The following LRP6 variants were observed in gnomAD, a reference collection of about 807,000 sequenced individuals.
LRP6 encodes the protein LDL receptor related protein 6, also known as low-density lipoprotein receptor-related protein 6.
LRP6 carries 43 observed loss-of-function variants against 184.1 expected under a neutral mutation model. The observed-to-expected ratio is 0.23, with a 90% confidence interval of 0.18 to 0.30. The LOEUF is 0.30. LRP6 is among the 10% of genes least tolerant of loss of function. LRP6 has a pLI of 1.00. For synonymous variants in LRP6, 719 were observed against 684.9 expected (o/e 1.05, Z -0.78); for missense variants, 1,571 against 2,005.3 (o/e 0.78, Z 4.14).
intron 1 of LRP6, among the ~76,000 whole-genome samples, chr12:12,257,963 T>C (rs1408445509): frequency 6.7e-6 from 1 of 148,464 alleles, no homozygotes; most frequent in African/African-American, 2.5e-5. Flanking sequence ...AGTGAGACCC[T>C]GTCTCAAAAA....
At chr12:12,260,490 T>A (rs1865586818) in intron 1 of LRP6, among the ~76,000 whole-genome samples, 1 of 151,950 alleles carries the variant, frequency 6.6e-6, no homozygotes, top group Admixed American at 6.6e-5. Flanking sequence ...TGCAGAAGAA[T>A]CAAAAAAAAT....
At position 12,236,158 on chromosome 12, in the gene LRP6, C is replaced by T. The variant is rs181275541; in HGVS notation, c.449+8104G>A. Among the ~76,000 whole-genome samples, 1,366 of 151,600 alleles carry T rather than the reference C, an allele frequency of 9.0e-3. 16 individuals carry two copies. Among genetic ancestry groups the T allele is most frequent in the African/African-American group, 0.031 (1,298 of 41,336 alleles). ...AGGAGAATGGCGTGAACCCAGGAGG[C>T]GGAGCTTGCAGTGAGCCAAGATGGC... is the stretch of plus-strand genomic sequence containing the variant. On this transcript the variant is annotated intron_variant, in intron 2 of 22. Coordinates refer to ENST00000261349, the MANE Select transcript of LRP6 (RefSeq NM_002336.3).
intron 11 of LRP6, among the ~76,000 whole-genome samples, chr12:12,159,531 T>C (rs913459709): frequency 2.6e-5 from 4 of 152,182 alleles, no homozygotes; most frequent in African/African-American, 9.6e-5. Context: ...CAAAAGTCAT[T>C]TCAGGAGTAT....
chr12:12,150,523 A>G (rs1340804189), intron 13 of LRP6, among the ~76,000 whole-genome samples: 2 of 152,210 alleles, frequency 1.3e-5, no homozygotes, highest in Non-Finnish European at 2.9e-5. Context: ...GCCTATTTCA[A>G]GGCTTCTAAT....
chr12:12,152,113 G>A (rs1489791405), intron 12 of LRP6, among the ~76,000 whole-genome samples: 2 of 151,974 alleles, frequency 1.3e-5, no homozygotes, highest in Non-Finnish European at 2.9e-5. Context: ...CATGGGGGCC[G>A]GTCTTCCCCG....
intron 12 of LRP6, among the ~76,000 whole-genome samples, chr12:12,152,962 TG>T (rs1365597721): frequency 6.6e-6 from 1 of 152,216 alleles, no homozygotes; most frequent in Non-Finnish European, 1.5e-5. Context: ...ACACTCAGCT[TG>T]GAAGATTTAG....
intron 2 of LRP6, among the ~76,000 whole-genome samples, chr12:12,232,990 C>G (rs973182260): frequency 6.6e-6 from 1 of 152,218 alleles, no homozygotes; most frequent in African/African-American, 2.4e-5. Context: ...TCTGAACCTA[C>G]TGAATAATCT....
At chr12:12,251,484 C>T (rs1260367333) in intron 1 of LRP6, among the ~76,000 whole-genome samples, 1 of 152,092 alleles carries the variant, frequency 6.6e-6, no homozygotes, top group Non-Finnish European at 1.5e-5. Flanking sequence ...CTGCCTCAGC[C>T]TCCCGAGTAG....
intron 12 of LRP6, among the ~76,000 whole-genome samples, chr12:12,158,552 T>C (rs997304636): frequency 5.9e-5 from 9 of 152,194 alleles, no homozygotes; most frequent in Admixed American, 3.9e-4. Flanking sequence ...CTTGAACTCC[T>C]GAGCTGAAGC....
intron 2 of LRP6, among the ~76,000 whole-genome samples, chr12:12,212,867 A>G (rs1010201058): frequency 1.3e-5 from 2 of 152,196 alleles, no homozygotes; most frequent in African/African-American, 4.8e-5. Context: ...GACCTTGAGA[A>G]TTCTTGGTCT....
At chr12:12,241,176 A>G (rs1049622856) in intron 2 of LRP6, among the ~76,000 whole-genome samples, 10 of 152,174 alleles carry the variant, frequency 6.6e-5, no homozygotes, top group African/African-American at 2.4e-4. Context: ...GTAAGTTGCT[A>G]TGAGAGAGCT....
intron 2 of LRP6, among the ~76,000 whole-genome samples, chr12:12,218,040 C>T (rs1452096229): frequency 6.6e-6 from 1 of 152,170 alleles, no homozygotes; most frequent in East Asian, 1.9e-4. Context: ...CATCCCAAAA[C>T]TCCATTATAT....
At position 12,249,349 on chromosome 12, in the gene LRP6, G is replaced by A. The variant is rs138572494; in HGVS notation, c.56-4694C>T. On this transcript the variant is annotated intron_variant, in intron 1 of 22. Transcript: ENST00000261349. ...GAATTCACAGCACCAAAGTTGTCCT[G>A]CAAGAGCTTTGGCGCCTAATGGTGT... is the stretch of plus-strand genomic sequence containing the variant. The A allele has an allele frequency of 3.5e-6, 4 of 1,140,780 alleles. No homozygotes were observed. The African/African-American group carries it at 6.0e-5, about 17-fold the overall frequency. The allele number at this position is 1,140,780 out of a possible 1,614,324, so 70.7% of individuals were successfully genotyped here. A position where few individuals can be genotyped will look rare whatever the true frequency, so the allele number is the denominator to read the frequency against.
At chr12:12,152,483 C>T (rs1950095482) in intron 12 of LRP6, among the ~76,000 whole-genome samples, 1 of 151,998 alleles carries the variant, frequency 6.6e-6, no homozygotes, top group Non-Finnish European at 1.5e-5. Context: ...GACAGGGTTT[C>T]ACCATGCTGG....
chr12:12,162,364 C>A lies in LRP6; in HGVS notation c.2108G>T (p.Gly703Val), dbSNP rs1288578083. Residue 703 changes from glycine (G) to valine (V), a missense_variant, in exon 10 of 23, where the codon GGC (glycine) becomes GTC (valine). Gly to Val is a moderately radical substitution (Grantham distance 109, BLOSUM62 -3). Transcript: ENST00000261349. The part of the protein sequence containing the change: ...GSALEHVVEF[G>V]LDYPEGMAVD... ...TGCCATGCCTTCTGGATAATCTAAG[C>A]CGAATTCTACCACATGTTCCAGTGC... 6.2e-7 allele frequency: 1 copy of A among 1,614,186 alleles called. No homozygotes were observed.
intron 4 of LRP6, among the ~76,000 whole-genome samples, chr12:12,185,337 T>C (rs1863442607): frequency 6.6e-6 from 1 of 152,032 alleles, no homozygotes; most frequent in Non-Finnish European, 1.5e-5. Flanking sequence ...CTATGAAGAA[T>C]AAAAAAATTC....
chr12:12,193,886 A>C lies in LRP6; in HGVS notation c.648-6767T>G, dbSNP rs192914913. Among the ~76,000 whole-genome samples, 16 of 152,174 alleles carry C rather than the reference A, an allele frequency of 1.1e-4. No homozygotes were observed. The South Asian group carries it at 2.5e-3, about 24-fold the overall frequency. On this transcript the variant is annotated intron_variant, in intron 3 of 22. Transcript: ENST00000261349. The stretch of plus-strand genomic sequence containing the variant: ...ATGCTAATCTCAAAACCAAATAAAC[A>C]CAAGAAAAACAGACTACGGATTAAT...
chr12:12,165,765 C>G (rs534318867), intron 7 of LRP6, among the ~76,000 whole-genome samples: 3 of 152,214 alleles, frequency 2.0e-5, no homozygotes, highest in East Asian at 3.9e-4. Context: ...ATGTCTTTTT[C>G]AGGACTTTTT....
At position 12,117,424 on chromosome 12, in the gene LRP6, G is replaced by A. The variant is rs774298458; in HGVS notation, c.*3702C>T. ...TATTAAGAGCTGACATATTTCGGATGTGAAAAGTCCAAGATTTTTGTTTCT... is the reference window on the plus strand; with the variant it reads ...TATTAAGAGCTGACATATTTCGGATATGAAAAGTCCAAGATTTTTGTTTCT... On this transcript the variant is annotated 3_prime_UTR_variant, in exon 23 of 23. Transcript: ENST00000261349. The A allele has an allele frequency of 3.3e-5, 5 of 152,204 alleles. No individual in the cohort carries two copies. The highest frequency in any genetic ancestry group is 4.8e-5 in the African/African-American group (2 of 41,456). The allele number at this position is 152,204 out of a possible 1,614,324, so 9.4% of individuals were successfully genotyped here.
Sources: allele counts gnomAD v4.1 joint callset (sites outside exome capture counted in the v4.1 genomes callset), GRCh38; gene constraint gnomAD v4.1.1; transcripts MANE v1.5; gene names NCBI Gene and HGNC (gene_info 2026-07-23, HGNC 2026-07-21).